The following BFSP1 variants were observed in gnomAD, a reference collection of about 807,000 sequenced individuals.
The protein encoded by BFSP1 is beaded filament structural protein 1, also known as filensin.
BFSP1 carries 38 observed loss-of-function variants against 43.9 expected under a neutral mutation model. That is an observed-to-expected ratio of 0.87 (90% confidence interval 0.67 to 1.14). The LOEUF is 1.14. BFSP1 is among the 50% of genes most tolerant of loss of function. BFSP1 has a pLI of 0.00. For synonymous variants in BFSP1, 352 were observed against 354.8 expected, an observed-to-expected ratio of 0.99 and a Z score of 0.09; for missense variants, 850 against 875.1, an observed-to-expected ratio of 0.97 and a Z score of 0.36.
intron 3 of BFSP1, 47 bp from the exon 4 acceptor site, chr20:17,512,115 G>C (rs530242968): frequency 6.7e-7 from 1 of 1,497,028 alleles, no homozygotes. Flanking sequence ...AGCTGCGCTG[G>C]TTTTTCCTTC....
At chr20:17,539,108 T>C (rs73092209) in intron 1 of BFSP1, among the ~76,000 whole-genome samples, 205 of 76,486 alleles carry the variant, frequency 2.7e-3, no homozygotes, top group South Asian at 4.4e-3. Context: ...TCTTCTTCTT[T>C]TTTTTTTTTT....
At chr20:17,568,955 G>C (rs902546706) in intron 1 of BFSP1, among the ~76,000 whole-genome samples, 3 of 152,060 alleles carry the variant, frequency 2.0e-5, no homozygotes, top group Non-Finnish European at 2.9e-5. Context: ...CAGCAAAAAC[G>C]CTGGGATTCA....
At chr20:17,522,539 G>A (rs909283670) in intron 2 of BFSP1, among the ~76,000 whole-genome samples, 4 of 152,192 alleles carry the variant, frequency 2.6e-5, no homozygotes, top group African/African-American at 9.7e-5. Context: ...AATATTTTAT[G>A]TCATCCGCTG....
chr20:17,553,196 A>G (rs1409431917), intron 1 of BFSP1, among the ~76,000 whole-genome samples: 1 of 152,148 alleles, frequency 6.6e-6, no homozygotes, highest in East Asian at 1.9e-4. Context: ...AAGAGAAGAT[A>G]TGACTGACTA....
chr20:17,548,860 T>C (rs761060283), intron 1 of BFSP1, among the ~76,000 whole-genome samples: 1 of 152,126 alleles, frequency 6.6e-6, no homozygotes, highest in Non-Finnish European at 1.5e-5. Flanking sequence ...CAGGCTGGAG[T>C]GCAGTGGTGT....
chr20:17,534,178 A>C (rs2034592566), upstream of BFSP1, among the ~76,000 whole-genome samples: 1 of 152,246 alleles, frequency 6.6e-6, no homozygotes, highest in Non-Finnish European at 1.5e-5. Context: ...AATTCAAGAG[A>C]CATGTTCGTA....
At chr20:17,563,729 T>C (rs1305417902), upstream of BFSP1, among the ~76,000 whole-genome samples, 2 of 151,624 alleles carry the variant, frequency 1.3e-5, no homozygotes, top group Admixed American at 1.3e-4. Flanking sequence ...ACACGAAATA[T>C]TTAAAAATTA....
intron 6 of BFSP1, 84 bp downstream of exon 6, chr20:17,498,736 A>G (rs1412091093): frequency 1.4e-6 from 2 of 1,465,808 alleles, no homozygotes; most frequent in South Asian, 1.3e-5. Context: ...CCCACTGCCT[A>G]TAACTGTGCC....
intron 5 of BFSP1, 21 bp from the exon 6 acceptor site, chr20:17,499,061 T>C: frequency 6.2e-7 from 1 of 1,607,640 alleles, no homozygotes; most frequent in Admixed American, 1.7e-5. Context: ...GGACACGCTG[T>C]AAGAAAATCC....
At chr20:17,564,171 TACACAGACACACACACAC>T (rs1036714414) in intron 1 of BFSP1, among the ~76,000 whole-genome samples, 1 of 151,606 alleles carries the variant, frequency 6.6e-6, no homozygotes, top group Admixed American at 6.6e-5. Flanking sequence ...TGTCTTTACA[TACACAGACACACACACAC>T]ACACAGACAC....
chr20:17,557,327 T>C (rs2035008699), intron 1 of BFSP1, among the ~76,000 whole-genome samples: 1 of 152,214 alleles, frequency 6.6e-6, no homozygotes, highest in Non-Finnish European at 1.5e-5. Flanking sequence ...CAAAGGGCCT[T>C]TGAATACAGC....
chr20:17,509,258 CCTGT>C (rs942252997), intron 4 of BFSP1, among the ~76,000 whole-genome samples: 31 of 150,838 alleles, frequency 2.1e-4, no homozygotes, highest in African/African-American at 7.3e-4. Context: ...ACCCCCACCC[CCTGT>C]CTGTCTGTCA....
intron 2 of BFSP1, among the ~76,000 whole-genome samples, chr20:17,517,574 G>A (rs1279255248): frequency 1.3e-5 from 2 of 152,282 alleles, no homozygotes; most frequent in East Asian, 1.9e-4. Context: ...GTGAGCCACC[G>A]TGCCTGGCCA....
intron 1 of BFSP1, among the ~76,000 whole-genome samples, chr20:17,550,492 T>C (rs2034879409): frequency 2.0e-5 from 3 of 150,820 alleles, no homozygotes; most frequent in Admixed American, 2.0e-4. Flanking sequence ...GAGACGGAGT[T>C]TCACTCTTAT....
intron 2 of BFSP1, among the ~76,000 whole-genome samples, chr20:17,523,881 G>A (rs1037991890): frequency 1.3e-5 from 2 of 152,042 alleles, no homozygotes; most frequent in African/African-American, 4.8e-5. Flanking sequence ...GCTGGACAAA[G>A]TGAAGGGATG....
At chr20:17,548,574 G>A (rs570934794) in intron 1 of BFSP1, among the ~76,000 whole-genome samples, 1 of 152,298 alleles carries the variant, frequency 6.6e-6, no homozygotes, top group Admixed American at 6.5e-5. Flanking sequence ...ATTAGAAAGT[G>A]ACATTCTTTT....
intron 1 of BFSP1, among the ~76,000 whole-genome samples, chr20:17,544,181 G>A (rs995329227): frequency 6.6e-6 from 1 of 152,278 alleles, no homozygotes; most frequent in South Asian, 2.1e-4. Context: ...TCACCATGGG[G>A]GCAACTGGAT....
chr20:17,558,891 G>A, exon 1 of BFSP1: 2 of 621,168 alleles, frequency 3.2e-6, no homozygotes, highest in Non-Finnish European at 5.2e-6. Flanking sequence ...AGGGGTGGGA[G>A]GGAAGGCTTT....
At chr20:17,530,054 T>C (rs911926949) in intron 1 of BFSP1, among the ~76,000 whole-genome samples, 2 of 152,162 alleles carry the variant, frequency 1.3e-5, no homozygotes, top group Non-Finnish European at 1.5e-5. Flanking sequence ...ATTTAACTTT[T>C]TAAACTGAAA....
Sources: allele counts gnomAD v4.1 joint callset (sites outside exome capture counted in the v4.1 genomes callset), GRCh38; gene constraint gnomAD v4.1.1; transcripts MANE v1.5; gene names NCBI Gene and HGNC (gene_info 2026-07-23, HGNC 2026-07-21).